Variants in KCNIP4 observed in about 807,000 individuals in gnomAD.
KCNIP4 encodes the protein Kv channel-interacting protein 4.
A neutral mutation model predicts 34.0 loss-of-function variants in KCNIP4; 12 were observed. The observed-to-expected ratio is 0.35, with a 90% confidence interval of 0.23 to 0.57. KCNIP4 has a LOEUF of 0.57. Among genes scored for constraint, KCNIP4 ranks in the 20% least tolerant of loss-of-function variants. KCNIP4 has a pLI of 0.83. For missense variants in KCNIP4, 238 were observed against 311.7 expected, an observed-to-expected ratio of 0.76 and a Z score of 1.78; for synonymous variants, 124 against 102.2, an observed-to-expected ratio of 1.21 and a Z score of -1.29.
intron 1 of KCNIP4, among the ~76,000 whole-genome samples, chr4:21,347,394 G>T (rs1246428745): frequency 6.6e-6 from 1 of 152,178 alleles, no homozygotes; most frequent in Non-Finnish European, 1.5e-5. Context: ...CTGGTGAGGT[G>T]AGAGCTGGGA....
At chr4:21,908,307 G>A (rs1728110119) in intron 1 of KCNIP4, among the ~76,000 whole-genome samples, 2 of 151,706 alleles carry the variant, frequency 1.3e-5, no homozygotes, top group South Asian at 4.2e-4. Flanking sequence ...GCTCCAAGAG[G>A]CAACATTCTT....
intron 1 of KCNIP4, among the ~76,000 whole-genome samples, chr4:21,902,731 T>C (rs1727777131): frequency 6.6e-6 from 1 of 152,198 alleles, no homozygotes; most frequent in African/African-American, 2.4e-5. Flanking sequence ...AATTAAGTTA[T>C]CAAGTAGAGA....
intron 1 of KCNIP4, among the ~76,000 whole-genome samples, chr4:21,082,296 A>T (rs1195871037): frequency 6.6e-6 from 1 of 151,814 alleles, no homozygotes; most frequent in African/African-American, 2.4e-5. Context: ...TAAGCCAAAC[A>T]CTTTCAATTC....
At chr4:20,997,924 T>G (rs1281260099) in intron 1 of KCNIP4, among the ~76,000 whole-genome samples, 7 of 151,656 alleles carry the variant, frequency 4.6e-5, no homozygotes, top group Admixed American at 4.6e-4. Context: ...TGTAGAGAGG[T>G]GAAGATAATT....
intron 1 of KCNIP4, among the ~76,000 whole-genome samples, chr4:21,817,823 A>G (rs4459974): frequency 0.099 from 15,115 of 152,092 alleles, 2,522 homozygotes; most frequent in African/African-American, 0.35. Context: ...TCTGTTGTTT[A>G]AGATGTTTAT....
chr4:20,811,247 G>T (rs576568447), intron 3 of KCNIP4, among the ~76,000 whole-genome samples: 40 of 152,162 alleles, frequency 2.6e-4, no homozygotes, highest in African/African-American at 9.4e-4. Context: ...TGCTTAAAAC[G>T]TGAAAAATAG....
chr4:20,925,686 C>T (rs1729832979), intron 1 of KCNIP4, among the ~76,000 whole-genome samples: 1 of 152,172 alleles, frequency 6.6e-6, no homozygotes, highest in African/African-American at 2.4e-5. Context: ...CAAGAACCCT[C>T]TCTTGGGGTC....
chr4:20,765,790 A>G (rs1028279018), intron 3 of KCNIP4, among the ~76,000 whole-genome samples: 2 of 152,166 alleles, frequency 1.3e-5, no homozygotes, highest in Non-Finnish European at 2.9e-5. Context: ...TCTTTGCAAT[A>G]TAACTGCCAT....
chr4:21,522,763 GA>G (rs982963032), intron 1 of KCNIP4, among the ~76,000 whole-genome samples: 4 of 149,746 alleles, frequency 2.7e-5, no homozygotes, highest in Middle Eastern at 3.4e-3. Context: ...AAGTGAGGAT[GA>G]AAAAAAAATC....
intron 1 of KCNIP4, among the ~76,000 whole-genome samples, chr4:21,383,760 T>C (rs1721754571): frequency 6.6e-6 from 1 of 152,176 alleles, no homozygotes; most frequent in Non-Finnish European, 1.5e-5. Context: ...TACTACGCTG[T>C]ATCACCACAA....
intron 1 of KCNIP4, among the ~76,000 whole-genome samples, chr4:20,912,281 T>C (rs1728399526): frequency 6.6e-6 from 1 of 152,136 alleles, no homozygotes; most frequent in Non-Finnish European, 1.5e-5. Flanking sequence ...ATCTTGTATG[T>C]AGAAAATCCT....
intron 1 of KCNIP4, among the ~76,000 whole-genome samples, chr4:21,496,274 A>G (rs1046791629): frequency 6.6e-6 from 1 of 152,148 alleles, no homozygotes; most frequent in African/African-American, 2.4e-5. Context: ...GCTAATGTAT[A>G]TTGCTGAGAG....
At chr4:21,784,720 A>C (rs1719789588) in intron 1 of KCNIP4, among the ~76,000 whole-genome samples, 1 of 152,226 alleles carries the variant, frequency 6.6e-6, no homozygotes, top group Admixed American at 6.5e-5. Context: ...TAGGTCAAAT[A>C]AAAATGCAGA....
chr4:20,761,394 A>G (rs1754945806), intron 3 of KCNIP4, among the ~76,000 whole-genome samples: 1 of 152,222 alleles, frequency 6.6e-6, no homozygotes, highest in Non-Finnish European at 1.5e-5. Context: ...GTATGTATAC[A>G]GCTAATCTCT....
chr4:21,723,200 T>C (rs1230012881), intron 1 of KCNIP4, among the ~76,000 whole-genome samples: 1 of 152,114 alleles, frequency 6.6e-6, no homozygotes, highest in Non-Finnish European at 1.5e-5. Flanking sequence ...CAGATTTCAC[T>C]TACTAAAAAC....
intron 1 of KCNIP4, among the ~76,000 whole-genome samples, chr4:21,153,726 G>C (rs566480398): frequency 4.6e-5 from 7 of 152,132 alleles, no homozygotes; most frequent in Admixed American, 1.3e-4. Flanking sequence ...GATTCAAAAA[G>C]AGCTTAGAAA....
intron 3 of KCNIP4, 22 bp from the exon 4 acceptor site, chr4:20,758,912 C>G: frequency 6.2e-7 from 1 of 1,600,328 alleles, no homozygotes. Context: ...GGCAGAGAAG[C>G]AATATGAGCA....
intron 2 of KCNIP4, among the ~76,000 whole-genome samples, chr4:20,858,084 G>A (rs1352698614): frequency 6.6e-6 from 1 of 151,590 alleles, no homozygotes; most frequent in African/African-American, 2.4e-5. Context: ...TGTGGTGGGT[G>A]CCTGTAATCC....
chr4:21,132,954 A>C (rs139119526), intron 1 of KCNIP4, among the ~76,000 whole-genome samples: 166 of 151,772 alleles, frequency 1.1e-3, no homozygotes, highest in African/African-American at 3.9e-3. Flanking sequence ...CAGAAGTTGC[A>C]GTCAGCTGAG....
Sources: gnomAD v4.1 joint callset for allele counts (sites outside exome capture counted in the v4.1 genomes callset) on GRCh38, gnomAD v4.1.1 for gene constraint, MANE v1.5 for transcripts, NCBI Gene and HGNC (gene_info 2026-07-23, HGNC 2026-07-21) for gene names.